Variants in ANKRD36 observed in about 807,000 individuals in gnomAD.
ANKRD36 encodes ankyrin repeat domain-containing protein 36A.
A neutral mutation model predicts 278.1 loss-of-function variants in ANKRD36; 179 were observed. The ratio of observed to expected loss-of-function variants is 0.64; its 90% CI spans 0.57 to 0.73. The LOEUF (loss-of-function observed/expected upper bound fraction) is 0.73, where lower values mean the gene tolerates loss of function less well. Ranked by LOEUF, ANKRD36 falls within the 30% of genes least tolerant of loss-of-function variation. The pLI is 0.00. For missense variants in ANKRD36, 1,159 were observed against 1,956.7 expected, an observed-to-expected ratio of 0.59 and a Z score of 7.69; for synonymous variants, 320 against 641.1, an observed-to-expected ratio of 0.50 and a Z score of 7.57.
At chr2:97,159,347 A>T (rs568707531) in intron 17 of ANKRD36, among the ~76,000 whole-genome samples, 1 of 152,222 alleles carries the variant, frequency 6.6e-6, no homozygotes, top group Admixed American at 6.5e-5. Flanking sequence ...ATTTAAGGTA[A>T]TGTGTATCTC....
chr2:97,249,030 T>TA (rs1226329158), intron 72 of ANKRD36, 114 bp from the exon 73 acceptor site: 2 of 113,774 alleles, frequency 1.8e-5, no homozygotes, highest in African/African-American at 7.7e-5. Flanking sequence ...CTTTTATAAA[T>TA]AAAAAAGATT....
At chr2:97,122,836 G>C (rs1460463916) in intron 3 of ANKRD36, 51 bp from the exon 4 acceptor site, 1 of 1,484,114 alleles carries the variant, frequency 6.7e-7, no homozygotes, top group South Asian at 1.2e-5. Context: ...TTTCAGTTCA[G>C]TTGATAAATA....
At chr2:97,210,420 A>T (rs1486546578) in intron 56 of ANKRD36, among the ~76,000 whole-genome samples, 3 of 151,842 alleles carry the variant, frequency 2.0e-5, no homozygotes, top group Non-Finnish European at 2.9e-5. Context: ...CTTCAGATGC[A>T]TTTAGAATAT....
chr2:97,166,391 C>T (rs2050664161), intron 20 of ANKRD36, among the ~76,000 whole-genome samples: 1 of 150,698 alleles, frequency 6.6e-6, no homozygotes, highest in Non-Finnish European at 1.5e-5. Context: ...TTTTCTGTAA[C>T]TTTTATATTC....
At chr2:97,198,062 G>A (rs1163521403) in intron 42 of ANKRD36, among the ~76,000 whole-genome samples, 70 of 151,992 alleles carry the variant, frequency 4.6e-4, no homozygotes, top group Non-Finnish European at 7.8e-4. Context: ...GTAGTATAAT[G>A]GTGTAAATCC....
At position 97,113,461 on chromosome 2, in the gene ANKRD36, C is replaced by T. The variant is rs774754940; in HGVS notation, c.-279C>T. 3.3e-4 allele frequency: 163 copies of T among 487,422 alleles called. No individual in the cohort carries two copies. The Middle Eastern group carries it at 5.4e-3, about 16-fold the overall frequency. The allele number at this position is 487,422 out of a possible 1,614,324, so 30.2% of individuals were successfully genotyped here. ...CTCGCGCTCCAGGGAGCCCCGCCCT[C>T]CCGCGGCACCTCCGCAGCAACCGCC... is the stretch of plus-strand genomic sequence containing the variant. On this transcript the variant is annotated 5_prime_UTR_variant, in exon 1 of 76. Coordinates refer to ENST00000420699, the MANE Select transcript of ANKRD36 (RefSeq NM_001354587.1).
intron 6 of ANKRD36, among the ~76,000 whole-genome samples, chr2:97,128,896 G>A (rs1268020691): frequency 6.6e-6 from 1 of 152,058 alleles, no homozygotes; most frequent in East Asian, 1.9e-4. Flanking sequence ...GCCGCATTTC[G>A]AGAGTTTCAA....
At chr2:97,171,999 G>A (rs1251456175) in intron 22 of ANKRD36, among the ~76,000 whole-genome samples, 1 of 152,048 alleles carries the variant, frequency 6.6e-6, no homozygotes, top group East Asian at 1.9e-4. Context: ...AATGAAGAAA[G>A]TAAGTGGTCA....
At chr2:97,179,122 A>G (rs1410245950) in intron 22 of ANKRD36, among the ~76,000 whole-genome samples, 1 of 151,626 alleles carries the variant, frequency 6.6e-6, no homozygotes, top group African/African-American at 2.4e-5. Flanking sequence ...AAACTAGAAG[A>G]TACAAGAGAT....
intron 64 of ANKRD36, among the ~76,000 whole-genome samples, chr2:97,218,555 A>G (rs1477945901): frequency 2.0e-5 from 3 of 151,600 alleles, no homozygotes; most frequent in East Asian, 2.0e-4. Flanking sequence ...CACTGAAGAC[A>G]CGTGAAGTGT....
chr2:97,186,014 A>T (rs2057352351), intron 30 of ANKRD36, among the ~76,000 whole-genome samples: 1 of 151,770 alleles, frequency 6.6e-6, no homozygotes, highest in Non-Finnish European at 1.5e-5. Flanking sequence ...TATTTATGCA[A>T]TTTTGGGGTT....
At chr2:97,215,941 T>C (rs1576166534) in intron 62 of ANKRD36, 2 of 346,038 alleles carry the variant, frequency 5.8e-6, no homozygotes, top group East Asian at 1.4e-4. Flanking sequence ...TAGTAATTAT[T>C]TTCCGCAAGG....
At chr2:97,226,127 T>C (rs2069500616) in intron 67 of ANKRD36, among the ~76,000 whole-genome samples, 1 of 151,624 alleles carries the variant, frequency 6.6e-6, no homozygotes, top group African/African-American at 2.4e-5. Flanking sequence ...TATAGTCCTT[T>C]GGGTATATAC....
rs564561484 is a variant in ANKRD36 at position 97,129,954 on chromosome 2, G to A, written c.799+2820G>A. On this transcript the variant is annotated intron_variant, in intron 6 of 75. Transcript: ENST00000420699. ...GCTTAGGATTGACTTGGCAATGCGG[G>A]CTCTTTTTTCGTTCCATATGAACTT... Among the ~76,000 whole-genome samples, 3 of 152,100 alleles carry A rather than the reference G, an allele frequency of 2.0e-5. No individual in the cohort carries two copies. The East Asian group carries it at 5.8e-4, about 29-fold the overall frequency.
At chr2:97,174,229 TA>T (rs1012271422) in intron 22 of ANKRD36, among the ~76,000 whole-genome samples, 4 of 151,784 alleles carry the variant, frequency 2.6e-5, no homozygotes, top group Non-Finnish European at 4.4e-5. Context: ...CCAGGAAATG[TA>T]AAAACATCAG....
At chr2:97,240,416 A>G in intron 68 of ANKRD36, among the ~76,000 whole-genome samples, 1 of 147,142 alleles carries the variant, frequency 6.8e-6, no homozygotes, top group African/African-American at 2.5e-5. Context: ...GTACACAAGC[A>G]CTTTTCATTA....
At chr2:97,231,102 C>T (rs1366983527) in intron 67 of ANKRD36, among the ~76,000 whole-genome samples, 2 of 152,120 alleles carry the variant, frequency 1.3e-5, no homozygotes, top group African/African-American at 2.4e-5. Context: ...CAGGGTCTCA[C>T]TTGAGGAGGC....
intron 11 of ANKRD36, among the ~76,000 whole-genome samples, chr2:97,147,662 G>A (rs1232313448): frequency 7.2e-5 from 11 of 151,940 alleles, no homozygotes; most frequent in African/African-American, 1.2e-4. Context: ...TTTAGAAAGA[G>A]GGAGTGGCTC....
At chr2:97,217,095 C>G in intron 62 of ANKRD36, 82 bp from the exon 63 acceptor site, 1 of 1,543,542 alleles carries the variant, frequency 6.5e-7, no homozygotes, top group South Asian at 1.2e-5. Flanking sequence ...AAGGATACAG[C>G]TTGATGCTAA....
Sources: allele counts gnomAD v4.1 joint callset (sites outside exome capture counted in the v4.1 genomes callset), GRCh38; gene constraint gnomAD v4.1.1; transcripts MANE v1.5; gene names NCBI Gene and HGNC (gene_info 2026-07-23, HGNC 2026-07-21).